Variants in GRIK2 observed in about 807,000 individuals in gnomAD.
The protein encoded by GRIK2 is glutamate ionotropic receptor kainate type subunit 2, also known as glutamate receptor ionotropic, kainate 2.
In GRIK2, 32 loss-of-function variants were observed where a neutral mutation model predicts 100.3. The ratio of observed to expected loss-of-function variants is 0.32; its 90% CI spans 0.24 to 0.43. The LOEUF is 0.43. GRIK2 is among the 20% of genes least tolerant of loss of function. The pLI is 1.00. For synonymous variants in GRIK2, 417 were observed against 389.4 expected (o/e 1.07, Z -0.83); for missense variants, 843 against 1,114.9 (o/e 0.76, Z 3.47).
intron 7 of GRIK2, among the ~76,000 whole-genome samples, chr6:101,739,570 T>G (rs947384377): frequency 6.6e-6 from 1 of 152,190 alleles, no homozygotes; most frequent in African/African-American, 2.4e-5. Context: ...CCTTCTTAAT[T>G]TATTTCATTG....
chr6:101,748,161 A>G (rs1776548440), intron 7 of GRIK2, among the ~76,000 whole-genome samples: 1 of 152,188 alleles, frequency 6.6e-6, no homozygotes. Flanking sequence ...TATCTGAAAG[A>G]TATTCATGCA....
chr6:101,825,185 A>G (rs1353306417), intron 10 of GRIK2, among the ~76,000 whole-genome samples: 1 of 152,134 alleles, frequency 6.6e-6, no homozygotes, highest in Admixed American at 6.6e-5. Flanking sequence ...GATAAGAGTG[A>G]CTCATTCAAA....
intron 15 of GRIK2, among the ~76,000 whole-genome samples, chr6:102,046,844 T>C (rs1197154336): frequency 6.6e-6 from 1 of 152,110 alleles, no homozygotes; most frequent in Non-Finnish European, 1.5e-5. Flanking sequence ...TCAAAAAGGT[T>C]GAAATTATGT....
chr6:101,908,068 C>T (rs911901962), intron 12 of GRIK2, among the ~76,000 whole-genome samples: 2 of 151,542 alleles, frequency 1.3e-5, no homozygotes, highest in Admixed American at 1.3e-4. Context: ...AGCTTTTCAG[C>T]ATGATTTGGC....
At chr6:101,974,726 C>G (rs1390912742) in intron 14 of GRIK2, among the ~76,000 whole-genome samples, 1 of 151,888 alleles carries the variant, frequency 6.6e-6, no homozygotes, top group Non-Finnish European at 1.5e-5. Flanking sequence ...TAGATGTTAG[C>G]CACACATACA....
chr6:101,955,155 G>A (rs984081141), intron 14 of GRIK2, among the ~76,000 whole-genome samples: 10 of 152,068 alleles, frequency 6.6e-5, no homozygotes, highest in African/African-American at 2.4e-4. Flanking sequence ...TTGATATGTA[G>A]TTTGTTTTTC....
At chr6:101,468,354 GT>G (rs1046627942) in intron 2 of GRIK2, among the ~76,000 whole-genome samples, 1 of 152,060 alleles carries the variant, frequency 6.6e-6, no homozygotes, top group Admixed American at 6.5e-5. Context: ...AAAACATTCA[GT>G]TTTTTAAAGA....
intron 4 of GRIK2, among the ~76,000 whole-genome samples, chr6:101,666,929 A>T (rs1770075405): frequency 6.6e-6 from 1 of 152,206 alleles, no homozygotes; most frequent in South Asian, 2.1e-4. Flanking sequence ...ACATGTGCCA[A>T]GCACAGTGCT....
chr6:101,522,800 A>G (rs1774943797), intron 2 of GRIK2, among the ~76,000 whole-genome samples: 1 of 151,736 alleles, frequency 6.6e-6, no homozygotes, highest in Non-Finnish European at 1.5e-5. Context: ...CCCCTTCTAC[A>G]TTGTAAGCTC....
chr6:101,435,681 A>G (rs956651290), intron 2 of GRIK2, among the ~76,000 whole-genome samples: 6 of 152,112 alleles, frequency 3.9e-5, no homozygotes, highest in African/African-American at 1.4e-4. Flanking sequence ...TGATATCTCA[A>G]GATCCATGTG....
At chr6:101,585,461 G>A (rs1225716632) in intron 2 of GRIK2, among the ~76,000 whole-genome samples, 1 of 152,030 alleles carries the variant, frequency 6.6e-6, no homozygotes, top group East Asian at 1.9e-4. Flanking sequence ...CCATCTTGTA[G>A]TAATGAGTAA....
At chr6:101,431,956 C>T (rs926424838) in intron 2 of GRIK2, among the ~76,000 whole-genome samples, 3 of 152,124 alleles carry the variant, frequency 2.0e-5, no homozygotes, top group Admixed American at 2.0e-4. Flanking sequence ...AACATTATGC[C>T]TCATTAGAAA....
At chr6:101,409,760 A>G (rs1157808295) in intron 2 of GRIK2, among the ~76,000 whole-genome samples, 1 of 152,034 alleles carries the variant, frequency 6.6e-6, no homozygotes, top group Non-Finnish European at 1.5e-5. Context: ...GAAAATGTGT[A>G]GAGCTCTGAG....
intron 2 of GRIK2, among the ~76,000 whole-genome samples, chr6:101,554,378 C>G (rs117288738): frequency 1.1e-3 from 165 of 152,186 alleles, no homozygotes; most frequent in Non-Finnish European, 2.2e-3. Context: ...ACTTTTTGTT[C>G]TTTGCAACAC....
At chr6:101,581,672 C>G (rs574494827) in intron 2 of GRIK2, among the ~76,000 whole-genome samples, 95 of 152,196 alleles carry the variant, frequency 6.2e-4, no homozygotes, top group African/African-American at 2.2e-3. Context: ...TAAGAATACT[C>G]CATGCCTTCC....
intron 12 of GRIK2, among the ~76,000 whole-genome samples, chr6:101,895,877 G>T (rs186999615): frequency 8.6e-5 from 13 of 151,240 alleles, no homozygotes; most frequent in Non-Finnish European, 1.6e-4. Context: ...TTTTAAATAC[G>T]TGCTGTTCTG....
rs143873289 is a variant in GRIK2, at chr6:101,622,086, C to T, written c.253C>T (p.Leu85Phe). 1.0e-4 allele frequency: 162 copies of T among 1,601,422 alleles called. No individual in the cohort carries two copies. The highest frequency in any genetic ancestry group is 1.3e-4 in the Non-Finnish European group (157 of 1,169,232). ...TACCTATGATACCCAGAAGATAAAC[C>T]TTTATGATAGTTTTGAAGCATCCAA... is the stretch of plus-strand genomic sequence containing the variant. ...TLTYDTQKIN[L>F]YDSFEASKKA... Residue 85 changes from leucine to phenylalanine, a missense_variant, in exon 3 of 17, where the codon CTT (leucine) becomes TTT (phenylalanine). Leu to Phe is a conservative substitution (Grantham distance 22, BLOSUM62 0). This residue lies in a region of GRIK2 where 519 missense variants were observed against 643.8 expected (regional missense o/e 0.81). Coordinates refer to ENST00000369134, the MANE Select transcript of GRIK2 (RefSeq NM_021956.5).
At chr6:101,480,306 T>A (rs1772461153) in intron 2 of GRIK2, among the ~76,000 whole-genome samples, 1 of 152,120 alleles carries the variant, frequency 6.6e-6, no homozygotes, top group Non-Finnish European at 1.5e-5. Flanking sequence ...TTATATCACA[T>A]CAATTCAAAT....
At chr6:101,424,552 CT>C (rs538491154) in intron 2 of GRIK2, among the ~76,000 whole-genome samples, 3,947 of 146,546 alleles carry the variant, frequency 0.027, 192 homozygotes, top group African/African-American at 0.095. Flanking sequence ...GCCACATTTT[CT>C]TTTTTTTTCA....
Sources: allele counts gnomAD v4.1 joint callset (sites outside exome capture counted in the v4.1 genomes callset), GRCh38; gene constraint gnomAD v4.1.1; regional missense constraint gnomAD v4.1.1; transcripts MANE v1.5; gene names NCBI Gene and HGNC (gene_info 2026-07-23, HGNC 2026-07-21).